The following AGBL1 variants were observed in gnomAD, a reference collection of about 807,000 sequenced individuals.
AGBL1 encodes the protein AGBL carboxypeptidase 1, also known as cytosolic carboxypeptidase 4.
AGBL1 carries 130 observed loss-of-function variants against 118.9 expected under a neutral mutation model. The ratio of observed to expected loss-of-function variants is 1.09; its 90% CI spans 0.95 to 1.26. The LOEUF is 1.26. AGBL1 is among the 50% of genes most tolerant of loss of function. The pLI, the probability that AGBL1 is intolerant of heterozygous loss-of-function variation, is 0.00. For missense variants in AGBL1, 1,584 were observed against 1,298.1 expected (o/e 1.22, Z -3.38); for synonymous variants, 555 against 478.9 (o/e 1.16, Z -2.08).
chr15:86,208,685 T>G (rs901805183), intron 5 of AGBL1, among the ~76,000 whole-genome samples: 18 of 152,196 alleles, frequency 1.2e-4, no homozygotes, highest in African/African-American at 4.1e-4. Context: ...TCATTTTTTA[T>G]TGTGTCTATT....
At chr15:86,583,618 G>A (rs887216277) in intron 21 of AGBL1, among the ~76,000 whole-genome samples, 2 of 152,012 alleles carry the variant, frequency 1.3e-5, no homozygotes, top group African/African-American at 4.8e-5. Context: ...CTTTTCTATT[G>A]TGAATCGTGC....
chr15:86,371,858 C>T (rs16976465), intron 17 of AGBL1, among the ~76,000 whole-genome samples: 6,474 of 152,142 alleles, frequency 0.043, 285 homozygotes, highest in East Asian at 0.21. Context: ...GCTGTGGTAA[C>T]GTAGTAGAGA....
chr15:86,920,168 C>G (rs369599713), downstream of AGBL1, among the ~76,000 whole-genome samples: 143 of 152,306 alleles, frequency 9.4e-4, no homozygotes, highest in Middle Eastern at 3.4e-3. Flanking sequence ...GGGAAAGAAT[C>G]TGCTTCCAAG....
chr15:86,266,572 A>T (rs2142040849), intron 12 of AGBL1, 115 bp downstream of exon 12: 1 of 796,872 alleles, frequency 1.3e-6, no homozygotes, highest in Non-Finnish European at 1.9e-6. Context: ...AGCATGATGA[A>T]AATCCAGGTT....
intron 19 of AGBL1, among the ~76,000 whole-genome samples, chr15:86,536,137 C>T (rs1232976775): frequency 1.3e-5 from 2 of 152,096 alleles, no homozygotes; most frequent in African/African-American, 2.4e-5. Flanking sequence ...CTTTACCATA[C>T]CAGAAACCAA....
chr15:86,561,585 T>C (rs550350816), intron 21 of AGBL1, among the ~76,000 whole-genome samples: 3,406 of 152,264 alleles, frequency 0.022, 64 homozygotes, highest in Middle Eastern at 0.065. Context: ...AGTCAGGTAG[T>C]GTGATGCCTC....
intron 21 of AGBL1, among the ~76,000 whole-genome samples, chr15:86,627,272 T>C (rs1231760262): frequency 1.3e-5 from 2 of 152,220 alleles, no homozygotes; most frequent in Admixed American, 6.5e-5. Context: ...AGTGCTGGGA[T>C]TGCAGGTGTG....
intron 22 of AGBL1, among the ~76,000 whole-genome samples, chr15:86,755,612 C>A (rs1258687112): frequency 6.6e-6 from 1 of 152,102 alleles, no homozygotes; most frequent in African/African-American, 2.4e-5. Context: ...CCTCTGTATA[C>A]TTCTATGCTC....
intron 6 of AGBL1, among the ~76,000 whole-genome samples, chr15:86,229,214 T>C (rs1420600989): frequency 6.6e-6 from 1 of 152,202 alleles, no homozygotes; most frequent in Non-Finnish European, 1.5e-5. Context: ...GTTCTCATGC[T>C]GCTATGAAGA....
At chr15:86,395,179 A>G (rs991752019) in intron 17 of AGBL1, among the ~76,000 whole-genome samples, 1 of 152,096 alleles carries the variant, frequency 6.6e-6, no homozygotes, top group Admixed American at 6.6e-5. Context: ...AATATATAAG[A>G]AAGGATCTTA....
At chr15:86,462,304 T>G (rs940127305) in intron 18 of AGBL1, among the ~76,000 whole-genome samples, 18 of 151,776 alleles carry the variant, frequency 1.2e-4, no homozygotes, top group African/African-American at 4.4e-4. Context: ...CTTAGTAGCA[T>G]CTGTCATCTA....
chr15:86,860,077 G>T (rs1333780992), intron 22 of AGBL1, among the ~76,000 whole-genome samples: 3 of 152,088 alleles, frequency 2.0e-5, no homozygotes, highest in African/African-American at 4.8e-5. Context: ...GATTGATTTT[G>T]GGGCGGAATA....
intron 5 of AGBL1, among the ~76,000 whole-genome samples, chr15:86,176,576 A>G (rs543225381): frequency 1.3e-5 from 2 of 152,182 alleles, no homozygotes; most frequent in Non-Finnish European, 2.9e-5. Flanking sequence ...CCTGGCTGCA[A>G]TGCTGGGTCC....
At chr15:86,809,950 T>A (rs939917946) in intron 22 of AGBL1, among the ~76,000 whole-genome samples, 2 of 152,128 alleles carry the variant, frequency 1.3e-5, no homozygotes, top group Non-Finnish European at 1.5e-5. Context: ...GGATAAATAA[T>A]TACCTCTAAC....
At chr15:86,903,494 A>G (rs2080239926) in intron 22 of AGBL1, among the ~76,000 whole-genome samples, 1 of 152,132 alleles carries the variant, frequency 6.6e-6, no homozygotes, top group African/African-American at 2.4e-5. Flanking sequence ...GATAATTTTA[A>G]CAGCTGTATC....
At chr15:86,788,862 C>CA (rs906211439) in intron 22 of AGBL1, among the ~76,000 whole-genome samples, 4 of 151,456 alleles carry the variant, frequency 2.6e-5, no homozygotes, top group African/African-American at 4.9e-5. Context: ...TATCACAGAC[C>CA]AAAAAAAAGC....
intron 22 of AGBL1, among the ~76,000 whole-genome samples, chr15:86,713,225 A>G (rs964924567): frequency 1.3e-5 from 2 of 152,178 alleles, no homozygotes; most frequent in Admixed American, 1.3e-4. Flanking sequence ...GAGTTTGGGG[A>G]AGGACAAAGA....
chr15:86,905,836 T>C (rs1314979084), intron 22 of AGBL1, among the ~76,000 whole-genome samples: 1 of 152,318 alleles, frequency 6.6e-6, no homozygotes, highest in East Asian at 1.9e-4. Context: ...TTGCCTTCCT[T>C]TACTCAGCTA....
chr15:86,730,672 G>A (rs1034919947), intron 22 of AGBL1, among the ~76,000 whole-genome samples: 12 of 152,016 alleles, frequency 7.9e-5, no homozygotes, highest in African/African-American at 2.9e-4. Context: ...TTGTCATCTG[G>A]CAATAATGAT....
Sources: allele counts gnomAD v4.1 joint callset (sites outside exome capture counted in the v4.1 genomes callset), GRCh38; gene constraint gnomAD v4.1.1; transcripts MANE v1.5; gene names NCBI Gene and HGNC (gene_info 2026-07-23, HGNC 2026-07-21).